Variants in SEMA4D observed in about 807,000 individuals in gnomAD.
SEMA4D encodes semaphorin 4D.
A neutral mutation model predicts 74.8 loss-of-function variants in SEMA4D; 22 were observed. That is an observed-to-expected ratio of 0.29 (90% CI 0.21 to 0.42). The LOEUF is 0.42. Ranked by LOEUF, SEMA4D falls within the 10% of genes least tolerant of loss-of-function variation. The pLI is 1.00. For synonymous variants in SEMA4D, 445 were observed against 463.7 expected (o/e 0.96, Z 0.52); for missense variants, 937 against 1,118.4 (o/e 0.84, Z 2.31).
intron 1 of SEMA4D, among the ~76,000 whole-genome samples, chr9:89,478,771 A>T (rs1045775683): frequency 2.6e-5 from 2 of 77,662 alleles, no homozygotes; most frequent in Non-Finnish European, 2.7e-5. Flanking sequence ...CCTCCACCCC[A>T]CCCCACCCCA....
chr9:89,386,833 C>T (rs909376435), intron 12 of SEMA4D: 1 of 285,466 alleles, frequency 3.5e-6, no homozygotes, highest in Admixed American at 5.0e-5. Flanking sequence ...GGTAAGTGCC[C>T]TAGGCAGGCG....
At chr9:89,496,598 C>T (rs1024481032) in intron 1 of SEMA4D, among the ~76,000 whole-genome samples, 19 of 152,198 alleles carry the variant, frequency 1.2e-4, no homozygotes, top group African/African-American at 4.1e-4. Context: ...ATGCTGAGCC[C>T]GCCTGCTTTC....
chr9:89,448,181 GC>G (rs950354910), intron 2 of SEMA4D, among the ~76,000 whole-genome samples: 39 of 152,206 alleles, frequency 2.6e-4, no homozygotes, highest in African/African-American at 8.7e-4. Flanking sequence ...TCACTATGTT[GC>G]CCAGGCTGGT....
At chr9:89,385,264 T>C in intron 13 of SEMA4D, 7 of 985,150 alleles carry the variant, frequency 7.1e-6, no homozygotes, top group Non-Finnish European at 6.0e-6. Context: ...GAACAGAGTG[T>C]CATTCTCACG....
intron 2 of SEMA4D, among the ~76,000 whole-genome samples, chr9:89,425,513 C>A (rs1847914073): frequency 1.3e-5 from 2 of 152,234 alleles, no homozygotes; most frequent in African/African-American, 4.8e-5. Flanking sequence ...AGGGGCTGCT[C>A]ACACCTCCCA....
intron 2 of SEMA4D, among the ~76,000 whole-genome samples, chr9:89,434,060 C>A (rs988568392): frequency 6.6e-6 from 1 of 152,202 alleles, no homozygotes; most frequent in Non-Finnish European, 1.5e-5. Context: ...ACACATGGAG[C>A]ACACCAGGAA....
chr9:89,414,483 C>T (rs1449357048), intron 2 of SEMA4D, among the ~76,000 whole-genome samples: 1 of 152,178 alleles, frequency 6.6e-6, no homozygotes, highest in African/African-American at 2.4e-5. Context: ...GACACCACAG[C>T]CCTCACCAAC....
chr9:89,384,892 T>C (rs1267633570), intron 13 of SEMA4D: 2 of 985,354 alleles, frequency 2.0e-6, no homozygotes, highest in East Asian at 2.3e-4. Flanking sequence ...ACCTGGAGCC[T>C]ACTGAGGCCC....
intron 11 of SEMA4D, 68 bp from the exon 12 acceptor site, chr9:89,387,676 G>T: frequency 7.3e-7 from 1 of 1,375,958 alleles, no homozygotes; most frequent in Non-Finnish European, 1.0e-6. Flanking sequence ...TTCCACACAA[G>T]CAGCCAACGC....
chr9:89,489,900 AT>A (rs1825490854), intron 1 of SEMA4D, among the ~76,000 whole-genome samples: 1 of 152,160 alleles, frequency 6.6e-6, no homozygotes, highest in Non-Finnish European at 1.5e-5. Context: ...GTAATTCTGT[AT>A]TTAACTTTTT....
chr9:89,478,079 T>C (rs1862211530), intron 1 of SEMA4D, among the ~76,000 whole-genome samples: 1 of 152,220 alleles, frequency 6.6e-6, no homozygotes, highest in African/African-American at 2.4e-5. Flanking sequence ...CTGAAATATA[T>C]CCTGGAGAAG....
chr9:89,421,069 T>G (rs2134217340), intron 2 of SEMA4D, among the ~76,000 whole-genome samples: 1 of 152,310 alleles, frequency 6.6e-6, no homozygotes, highest in East Asian at 1.9e-4. Context: ...GACTGTGGGC[T>G]CCACCAGCCT....
In SEMA4D at chr9:89,379,504, C is replaced by T. The variant is rs536075771; in HGVS notation, c.1789G>A (p.Glu597Lys). 37 of 1,614,168 alleles carry T rather than the reference C, an allele frequency of 2.3e-5. No individual in the cohort carries two copies. Among genetic ancestry groups the T allele is most frequent in the Non-Finnish European group, 2.8e-5 (33 of 1,180,032 alleles). Residue 597 changes from glutamate (E) to lysine (K), a missense_variant, in exon 16 of 16, where the codon GAG becomes AAG. Physicochemically the swap from Glu to Lys is moderately conservative, Grantham distance 56. Transcript: ENST00000422704. ...WKFQNGVLKA[E>K]SPKYGLMGRK... ...CCCATAAGACCGTACTTGGGGCTCT[C>T]GGCCTTCAACACGCCATTCTGGAAC...
chr9:89,386,125 A>G (rs1838419444), intron 13 of SEMA4D: 1 of 969,706 alleles, frequency 1.0e-6, no homozygotes, highest in South Asian at 4.8e-5. Flanking sequence ...CAACTCAATG[A>G]CATTCCAGCA....
intron 4 of SEMA4D, among the ~76,000 whole-genome samples, chr9:89,401,351 CCA>C (rs1842183913): frequency 6.6e-6 from 1 of 152,208 alleles, no homozygotes; most frequent in African/African-American, 2.4e-5. Context: ...GCCACAGCAC[CCA>C]GCCAAATACT....
At chr9:89,452,043 A>C (rs530253287) in intron 2 of SEMA4D, among the ~76,000 whole-genome samples, 1 of 152,240 alleles carries the variant, frequency 6.6e-6, no homozygotes, top group South Asian at 2.1e-4. Flanking sequence ...TGATAGGAGG[A>C]GGTGCTATGG....
intron 2 of SEMA4D, among the ~76,000 whole-genome samples, chr9:89,429,758 C>T (rs1848862436): frequency 6.6e-6 from 1 of 152,120 alleles, no homozygotes; most frequent in South Asian, 2.1e-4. Context: ...ACGCTGCTAA[C>T]AGCCCATTCC....
chr9:89,366,229 G>A (rs563517314), intron 16 of SEMA4D, among the ~76,000 whole-genome samples: 2 of 152,364 alleles, frequency 1.3e-5, no homozygotes, highest in South Asian at 4.1e-4. Context: ...AACGTAGATA[G>A]TCATGGCCCA....
intron 1 of SEMA4D, among the ~76,000 whole-genome samples, chr9:89,459,455 C>G (rs1856738594): frequency 6.6e-6 from 1 of 152,202 alleles, no homozygotes; most frequent in Admixed American, 6.5e-5. Flanking sequence ...AAAGAAACAA[C>G]TGGAGAAAGT....
Sources: allele counts gnomAD v4.1 joint callset (sites outside exome capture counted in the v4.1 genomes callset), GRCh38; gene constraint gnomAD v4.1.1; transcripts MANE v1.5; gene names NCBI Gene and HGNC (gene_info 2026-07-23, HGNC 2026-07-21).